Variants in PTPRD observed in about 807,000 individuals in gnomAD.
PTPRD encodes receptor-type tyrosine-protein phosphatase delta.
Under a neutral mutation model 214.5 loss-of-function variants are expected in PTPRD, and 34 were observed. The ratio of observed to expected loss-of-function variants is 0.16; its 90% CI spans 0.12 to 0.21. PTPRD has a LOEUF of 0.21. Among genes scored for constraint, PTPRD ranks in the 10% least tolerant of loss-of-function variants. PTPRD has a pLI of 1.00. For missense variants in PTPRD, 2,545 were observed against 2,398.7 expected (o/e 1.06, Z -1.27); for synonymous variants, 1,128 against 845.7 (o/e 1.33, Z -5.79).
intron 12 of PTPRD, among the ~76,000 whole-genome samples, chr9:8,655,864 G>C (rs1228826398): frequency 6.6e-6 from 1 of 151,398 alleles, no homozygotes; most frequent in Non-Finnish European, 1.5e-5. Flanking sequence ...TAAATAGACA[G>C]TGCTATCCAA....
chr9:9,879,020 AT>A (rs1338008935), intron 5 of PTPRD, among the ~76,000 whole-genome samples: 1 of 152,176 alleles, frequency 6.6e-6, no homozygotes, highest in African/African-American at 2.4e-5. Context: ...AAAATAGATT[AT>A]TTTATCAACC....
chr9:9,579,965 G>C (rs773827351), intron 7 of PTPRD, among the ~76,000 whole-genome samples: 1 of 151,994 alleles, frequency 6.6e-6, no homozygotes, highest in Non-Finnish European at 1.5e-5. Flanking sequence ...TTTTCCTTCT[G>C]TGTCTGGGTT....
At chr9:9,458,505 T>C (rs1412872) in intron 8 of PTPRD, among the ~76,000 whole-genome samples, 75,109 of 151,822 alleles carry the variant, frequency 0.49, 18,928 homozygotes, top group East Asian at 0.67. Context: ...ATGTATGAAG[T>C]GTATGAAATG....
At chr9:10,468,635 C>T (rs1159704743) in intron 2 of PTPRD, among the ~76,000 whole-genome samples, 1 of 152,026 alleles carries the variant, frequency 6.6e-6, no homozygotes, top group Non-Finnish European at 1.5e-5. Context: ...TATCCCAGAA[C>T]TTAAAATATA....
intron 9 of PTPRD, among the ~76,000 whole-genome samples, chr9:9,200,774 T>C (rs938393295): frequency 6.6e-6 from 1 of 152,200 alleles, no homozygotes; most frequent in African/African-American, 2.4e-5. Context: ...ATAAATGTGA[T>C]GGGGGAGTTC....
chr9:8,441,506 G>A (rs1295709440), intron 34 of PTPRD, among the ~76,000 whole-genome samples: 1 of 151,778 alleles, frequency 6.6e-6, no homozygotes, highest in African/African-American at 2.4e-5. Context: ...CAAACGATAA[G>A]CTCTTTTGCA....
intron 20 of PTPRD, among the ~76,000 whole-genome samples, chr9:8,519,257 T>G (rs1019768659): frequency 2.0e-5 from 3 of 152,178 alleles, no homozygotes; most frequent in Non-Finnish European, 4.4e-5. Context: ...ATATCCAATG[T>G]AGCTACATGA....
intron 11 of PTPRD, among the ~76,000 whole-genome samples, chr9:8,941,453 A>G (rs2099033370): frequency 1.3e-5 from 2 of 152,156 alleles, no homozygotes; most frequent in Admixed American, 1.3e-4. Flanking sequence ...TATTTCTCAG[A>G]AAAAGAGCAG....
At chr9:8,389,002 T>C (rs1443194975) in intron 37 of PTPRD, among the ~76,000 whole-genome samples, 1 of 114,530 alleles carries the variant, frequency 8.7e-6, no homozygotes, top group African/African-American at 3.6e-5. Flanking sequence ...TTTTTTTTTT[T>C]ACTTTTTAGC....
At chr9:10,518,811 C>A (rs559531352) in intron 2 of PTPRD, among the ~76,000 whole-genome samples, 1 of 151,650 alleles carries the variant, frequency 6.6e-6, no homozygotes, top group Admixed American at 6.6e-5. Flanking sequence ...GGATTACAGG[C>A]GTGAGCCACC....
rs549056150 is a variant in PTPRD, at chr9:9,388,719, T to C, written c.-203+8730A>G. ...ATAAAAAAATTAAATAAAAATATTT[T>C]ATTCCAGTAATTATAGGTATTAGTC... On this transcript the variant is annotated intron_variant, in intron 9 of 45. Transcript: ENST00000381196. 1.3e-4 allele frequency among the ~76,000 whole-genome samples: 20 copies of C among 152,332 alleles called. 1 individual carries two copies. The highest frequency in any genetic ancestry group is 3.4e-3 in the Middle Eastern group (1 of 294).
At chr9:8,552,613 T>A (rs532156592) in intron 14 of PTPRD, among the ~76,000 whole-genome samples, 2 of 152,026 alleles carry the variant, frequency 1.3e-5, no homozygotes, top group African/African-American at 4.8e-5. Flanking sequence ...AGCGACCAGA[T>A]CAGGTAGGCA....
At chr9:9,873,109 C>T (rs1028654768) in intron 5 of PTPRD, among the ~76,000 whole-genome samples, 8 of 152,102 alleles carry the variant, frequency 5.3e-5, no homozygotes, top group Non-Finnish European at 1.2e-4. Context: ...GAAGTCAGCA[C>T]ATTTCACTGA....
At chr9:10,028,404 C>T (rs1433059065) in intron 4 of PTPRD, among the ~76,000 whole-genome samples, 2 of 152,110 alleles carry the variant, frequency 1.3e-5, no homozygotes, top group African/African-American at 2.4e-5. Context: ...GAACTGACTT[C>T]AGAACTGTGT....
At chr9:9,392,951 G>A (rs2066405571) in intron 9 of PTPRD, among the ~76,000 whole-genome samples, 1 of 152,120 alleles carries the variant, frequency 6.6e-6, no homozygotes, top group African/African-American at 2.4e-5. Context: ...GGGAGAATGG[G>A]GTGGAGCCAT....
At chr9:10,084,978 T>C (rs919157646) in intron 3 of PTPRD, among the ~76,000 whole-genome samples, 1 of 151,930 alleles carries the variant, frequency 6.6e-6, no homozygotes, top group Non-Finnish European at 1.5e-5. Context: ...ATATAAACCA[T>C]ATCATGATTT....
intron 2 of PTPRD, among the ~76,000 whole-genome samples, chr9:10,429,636 T>A (rs780981223): frequency 1.8e-4 from 28 of 151,448 alleles, no homozygotes; most frequent in Non-Finnish European, 3.1e-4. Flanking sequence ...TGTGTTCACA[T>A]AGGCATATAA....
chr9:9,437,139 T>C (rs1424214979), intron 8 of PTPRD, among the ~76,000 whole-genome samples: 1 of 152,238 alleles, frequency 6.6e-6, no homozygotes. Context: ...ATTCTGCCTT[T>C]ATTGGCAGAG....
intron 11 of PTPRD, among the ~76,000 whole-genome samples, chr9:8,946,316 G>A (rs1450288415): frequency 6.6e-6 from 1 of 152,064 alleles, no homozygotes; most frequent in South Asian, 2.1e-4. Context: ...GTCTTAAAAC[G>A]GAGACCACCC....
Sources: gnomAD v4.1 joint callset for allele counts (sites outside exome capture counted in the v4.1 genomes callset) on GRCh38, gnomAD v4.1.1 for gene constraint, MANE v1.5 for transcripts, NCBI Gene and HGNC (gene_info 2026-07-23, HGNC 2026-07-21) for gene names.